Variants in ASB3 observed in about 807,000 individuals in gnomAD.
ASB3 encodes ankyrin repeat and SOCS box containing 3.
ASB3 carries 41 observed loss-of-function variants against 54.5 expected under a neutral mutation model. The ratio of observed to expected loss-of-function variants is 0.75; its 90% CI spans 0.59 to 0.98. ASB3 has a LOEUF of 0.98. ASB3 is among the 50% of genes least tolerant of loss of function. The pLI, the probability that ASB3 is intolerant of heterozygous loss-of-function variation, is 0.00. For synonymous variants in ASB3, 266 were observed against 221.2 expected (o/e 1.20, Z -1.80); for missense variants, 733 against 620.0 (o/e 1.18, Z -1.94).
intron 1 of ASB3, among the ~76,000 whole-genome samples, chr2:53,782,838 G>A (rs1447636799): frequency 6.6e-6 from 1 of 151,946 alleles, no homozygotes. Flanking sequence ...CCAGGCTGGA[G>A]TGCAATGGCG....
chr2:53,720,990 G>A (rs1007652851), intron 5 of ASB3, among the ~76,000 whole-genome samples: 7 of 151,666 alleles, frequency 4.6e-5, no homozygotes, highest in African/African-American at 1.2e-4. Flanking sequence ...ACAGGGGTGC[G>A]CGCCTGTAAT....
intron 2 of ASB3, among the ~76,000 whole-genome samples, chr2:53,763,125 T>C (rs1673237426): frequency 1.3e-5 from 2 of 152,150 alleles, no homozygotes; most frequent in African/African-American, 2.4e-5. Flanking sequence ...ATCACACCTG[T>C]AATCCCAGCA....
At position 53,670,215 on chromosome 2, in the gene ASB3, G is replaced by T. The variant is rs1011293638; in HGVS notation, c.*288C>A. ...AAATAAAGCAGAAAATGATCAAAATGATCAGGTAAATAAATATTACAACAT... is the reference window on the plus strand; with the variant it reads ...AAATAAAGCAGAAAATGATCAAAATTATCAGGTAAATAAATATTACAACAT... On this transcript the variant is annotated 3_prime_UTR_variant, in exon 10 of 10. Transcript: ENST00000263634. 1.3e-5 allele frequency: 3 copies of T among 229,792 alleles called. No individual in the cohort carries two copies. Among genetic ancestry groups the T allele is most frequent in the Non-Finnish European group, 2.5e-5 (3 of 121,198 alleles). The allele number at this position is 229,792 out of a possible 1,614,324, so 14.2% of individuals were successfully genotyped here.
chr2:53,677,119 A>C (rs929403399), intron 9 of ASB3, among the ~76,000 whole-genome samples: 13 of 152,308 alleles, frequency 8.5e-5, no homozygotes, highest in Middle Eastern at 3.4e-3. Flanking sequence ...ACAAATACTT[A>C]CCAATGTGTT....
intron 7 of ASB3, among the ~76,000 whole-genome samples, chr2:53,700,911 T>C (rs1315577967): frequency 6.6e-6 from 1 of 152,228 alleles, no homozygotes; most frequent in Non-Finnish European, 1.5e-5. Context: ...AACTAAATGA[T>C]TCTAGGAATC....
chr2:53,765,277 G>T (rs374143036), intron 2 of ASB3, 100 bp downstream of exon 2: 2 of 1,483,644 alleles, frequency 1.3e-6, no homozygotes, highest in East Asian at 2.4e-5. Flanking sequence ...ACTATAGAAA[G>T]GGAAACAAAT....
intron 9 of ASB3, among the ~76,000 whole-genome samples, chr2:53,692,383 G>A (rs1410174226): frequency 6.6e-6 from 1 of 152,102 alleles, no homozygotes; most frequent in Non-Finnish European, 1.5e-5. Context: ...AATGAGACTG[G>A]AAACAAGAAA....
intron 1 of ASB3, among the ~76,000 whole-genome samples, chr2:53,783,834 A>C (rs1032969431): frequency 7.2e-5 from 11 of 152,228 alleles, no homozygotes; most frequent in African/African-American, 2.4e-4. Context: ...TTCCTGAAAA[A>C]AATTGCTTGA....
intron 8 of ASB3, 153 bp from the exon 9 acceptor site, chr2:53,694,167 A>T (rs1669064282): frequency 1.3e-6 from 1 of 758,518 alleles, no homozygotes; most frequent in Non-Finnish European, 2.1e-6. Context: ...ACTAGAGGCA[A>T]GATCAGAGGA....
In ASB3 at chr2:53,772,026, CACAG is replaced by C. The variant is rs1269991493; in HGVS notation, c.-13-6445_-13-6442del. On this transcript the variant is annotated intron_variant, in intron 1 of 9. Transcript: ENST00000263634. ...CTGTTTCAATTTGATTAACAATCAT[CACAG>C]ACAATTTGAACTACCCTAAATTTAG... The C allele has an allele frequency of 2.6e-5, 21 of 817,030 alleles. 1 individual carries two copies. The highest frequency in any genetic ancestry group is 1.4e-4 in the African/African-American group (8 of 55,898). 50.6% of individuals were successfully genotyped at this position (817,030 alleles called of 1,614,324 possible). A position where few individuals can be genotyped will look rare whatever the true frequency, so the allele number is the denominator to read the frequency against.
At chr2:53,700,197 A>G in intron 8 of ASB3, 74 bp downstream of exon 8, 1 of 1,541,166 alleles carries the variant, frequency 6.5e-7, no homozygotes, top group Non-Finnish European at 8.7e-7. Context: ...AAACACTGGG[A>G]TCTCAACTGA....
At chr2:53,687,815 C>G (rs1163743979) in intron 9 of ASB3, among the ~76,000 whole-genome samples, 1 of 152,086 alleles carries the variant, frequency 6.6e-6, no homozygotes, top group Non-Finnish European at 1.5e-5. Flanking sequence ...TTATTTGTAG[C>G]TCTTTTTTTA....
At chr2:53,760,142 G>T (rs1572984522) in intron 2 of ASB3, among the ~76,000 whole-genome samples, 1 of 152,162 alleles carries the variant, frequency 6.6e-6, no homozygotes, top group Admixed American at 6.5e-5. Context: ...TTGTTAGGGA[G>T]AGACATCCTA....
chr2:53,690,932 C>T (rs748155885), intron 9 of ASB3, among the ~76,000 whole-genome samples: 5 of 152,086 alleles, frequency 3.3e-5, no homozygotes, highest in Admixed American at 2.6e-4. Context: ...ATTAAAGGTT[C>T]AGGACGAACT....
In ASB3 at chr2:53,670,515, A is replaced by T. The variant is rs200815358; in HGVS notation, c.1545T>A (p.Ile515=). 3 of 1,613,622 alleles carry T rather than the reference A, an allele frequency of 1.9e-6. No homozygotes were observed. In the African/African-American group the frequency reaches 4.0e-5, roughly 22 times the overall value. ...RMYEVPELAA[I]QDG ...TAGTTTCACTGATTTATCCATCTTG[A>T]ATAGCTGCCAGTTCTGGAACTTCAT... The change falls in exon 10 of 10, where the codon ATT becomes ATA. Residue 515 remains isoleucine (I), a synonymous_variant. Transcript: ENST00000263634.
chr2:53,751,436 A>G (rs977451329), intron 2 of ASB3, among the ~76,000 whole-genome samples: 2 of 152,176 alleles, frequency 1.3e-5, no homozygotes, highest in East Asian at 3.8e-4. Flanking sequence ...TTAATTGTTA[A>G]TGAAAACTGC....
At chr2:53,678,727 A>T (rs1346652147) in intron 9 of ASB3, among the ~76,000 whole-genome samples, 4 of 152,190 alleles carry the variant, frequency 2.6e-5, no homozygotes, top group Non-Finnish European at 5.9e-5. Flanking sequence ...TCCCCATTCT[A>T]CCATGAACTC....
chr2:53,780,336 G>A (rs1674574292), intron 1 of ASB3, among the ~76,000 whole-genome samples: 1 of 152,038 alleles, frequency 6.6e-6, no homozygotes, highest in African/African-American at 2.4e-5. Flanking sequence ...TAGCTCAAAT[G>A]AGCGAACTAA....
intron 6 of ASB3, among the ~76,000 whole-genome samples, chr2:53,715,644 T>C (rs1670344737): frequency 6.6e-6 from 1 of 152,164 alleles, no homozygotes; most frequent in Non-Finnish European, 1.5e-5. Flanking sequence ...TTTGTTAAAA[T>C]AGTCTAATGT....
Sources: gnomAD v4.1 joint callset for allele counts (sites outside exome capture counted in the v4.1 genomes callset) on GRCh38, gnomAD v4.1.1 for gene constraint, MANE v1.5 for transcripts, NCBI Gene and HGNC (gene_info 2026-07-23, HGNC 2026-07-21) for gene names.